Variants in ARL13B observed in about 807,000 individuals in gnomAD.
ARL13B encodes ADP-ribosylation factor-like protein 13B.
ARL13B carries 36 observed loss-of-function variants against 56.1 expected under a neutral mutation model. The observed-to-expected ratio is 0.64, with a 90% CI of 0.49 to 0.85. ARL13B has a LOEUF of 0.85. ARL13B is among the 40% of genes least tolerant of loss of function. The pLI, the probability that ARL13B is intolerant of heterozygous loss-of-function variation, is 0.00. For synonymous variants in ARL13B, 178 were observed against 171.1 expected (o/e 1.04, Z -0.32); for missense variants, 519 against 507.1 (o/e 1.02, Z -0.23).
At chr3:94,014,425 A>G in intron 3 of ARL13B, 1 of 1,581,590 alleles carries the variant, frequency 6.3e-7, no homozygotes, top group Non-Finnish European at 8.6e-7. Flanking sequence ...ACAACACAGT[A>G]CTCTGCAAGG....
intron 7 of ARL13B, among the ~76,000 whole-genome samples, chr3:94,044,788 G>A (rs536219019): frequency 2.1e-5 from 3 of 143,400 alleles, no homozygotes; most frequent in East Asian, 2.2e-4. Flanking sequence ...AGTGAGGAGC[G>A]CCTCTGCCCG....
intron 4 of ARL13B, among the ~76,000 whole-genome samples, chr3:94,036,221 A>G (rs746736529): frequency 2.0e-5 from 3 of 152,236 alleles, no homozygotes; most frequent in Non-Finnish European, 4.4e-5. Flanking sequence ...ATATTGTAGT[A>G]TAAGGAATTA....
intron 7 of ARL13B, chr3:94,047,827 A>G (rs1211061611): frequency 1.3e-5 from 2 of 152,202 alleles, no homozygotes; most frequent in Non-Finnish European, 2.9e-5. Flanking sequence ...CTTTAATTGT[A>G]CAAAGACCTA....
chr3:94,045,219 C>G (rs1013850900), intron 7 of ARL13B, among the ~76,000 whole-genome samples: 1 of 152,004 alleles, frequency 6.6e-6, no homozygotes, highest in African/African-American at 2.4e-5. Context: ...GCAAGATGTG[C>G]TTTGTTAAAC....
chr3:93,986,464 TTC>T (rs1366508212), intron 1 of ARL13B, among the ~76,000 whole-genome samples: 1 of 152,224 alleles, frequency 6.6e-6, no homozygotes. Flanking sequence ...TTTTTTAAAA[TTC>T]TCACATATGT....
rs780446984 is a variant in ARL13B at position 94,043,248 on chromosome 3, ATC to A, written c.1024+10_1024+11del. On this transcript the variant is annotated intron_variant, in intron 7 of 9. Coordinates refer to ENST00000394222, the MANE Select transcript of ARL13B (RefSeq NM_001174150.2). ...GGCCATCATTGGAATCAGGTAATAA[ATC>A]TAGTTATTTAAAGTAATTATCTTAT... is the stretch of plus-strand genomic sequence containing the variant. The A allele has an allele frequency of 4.9e-5, 78 of 1,605,446 alleles. No individual in the cohort carries two copies. Among genetic ancestry groups the A allele is most frequent in the Non-Finnish European group, 6.6e-5 (78 of 1,173,404 alleles).
Position 94,012,455 on chromosome 3 carries a change from A to T in ARL13B, c.380+8547A>T, listed in dbSNP as rs1293862371. ...TAATTCTACCTTTTAAATCTATCAG[A>T]AGTTAATCTAACTTTTTCCACCACC... On this transcript the variant is annotated intron_variant, in intron 3 of 9. Transcript: ENST00000394222. Among the ~76,000 whole-genome samples, 4 of 152,162 alleles carry T rather than the reference A, an allele frequency of 2.6e-5. No homozygotes were observed. In the East Asian group the frequency reaches 7.7e-4, roughly 29 times the overall value.
rs893493916 is a variant in ARL13B, at chr3:94,000,184, A to G, written c.131-3475A>G. Reference sequence around the variant, plus strand: ...ATTATGCATATCTCTTCCCAACTCTATGTTTAGGTACCTCACATTGTTAGT... The same window carrying G: ...ATTATGCATATCTCTTCCCAACTCTGTGTTTAGGTACCTCACATTGTTAGT... On this transcript the variant is annotated intron_variant, in intron 2 of 9. Transcript: ENST00000394222. Among the ~76,000 whole-genome samples, 5 of 152,132 alleles carry G rather than the reference A, an allele frequency of 3.3e-5. No homozygotes were observed. The East Asian group carries it at 7.7e-4, about 23-fold the overall frequency.
chr3:94,012,703 T>C (rs1005628841), intron 3 of ARL13B, among the ~76,000 whole-genome samples: 4 of 152,168 alleles, frequency 2.6e-5, no homozygotes, highest in African/African-American at 9.7e-5. Flanking sequence ...TTGCGAATAC[T>C]TTATTCCTCT....
intron 2 of ARL13B, among the ~76,000 whole-genome samples, chr3:94,003,242 A>G (rs1209564813): frequency 6.6e-6 from 1 of 152,140 alleles, no homozygotes; most frequent in African/African-American, 2.4e-5. Flanking sequence ...TGATTCTTCT[A>G]AACTCTTCTA....
Position 94,023,040 on chromosome 3 carries a change from C to T in ARL13B, c.381-12291C>T, listed in dbSNP as rs186118519. On this transcript the variant is annotated intron_variant, in intron 3 of 9. Transcript: ENST00000394222. Reference sequence around the variant, plus strand: ...TGTAACCTGATTGTGTTAGAATTTTCTTCCTCTTTTATATTCTCTATTTTT... The same window carrying T: ...TGTAACCTGATTGTGTTAGAATTTTTTTCCTCTTTTATATTCTCTATTTTT... 2.0e-4 allele frequency among the ~76,000 whole-genome samples: 30 copies of T among 151,778 alleles called. No homozygotes were observed. The East Asian group carries it at 5.6e-3, about 28-fold the overall frequency.
Position 93,980,275 on chromosome 3 carries a change from G to T in ARL13B, c.-149G>T. ...ACGCGGTTAGCAAGGCTTAGTGCTC[G>T]GGCCGGCCGCCTTCACTTCCCTCCC... On this transcript the variant is annotated 5_prime_UTR_variant, in exon 1 of 10. Transcript: ENST00000394222. 2.0e-6 allele frequency: 2 copies of T among 1,017,332 alleles called. No individual in the cohort carries two copies. The highest frequency in any genetic ancestry group is 3.0e-6 in the Non-Finnish European group (2 of 667,034). 63.0% of individuals were successfully genotyped at this position (1,017,332 alleles called of 1,614,324 possible).
intron 7 of ARL13B, among the ~76,000 whole-genome samples, chr3:94,044,341 C>G (rs549467763): frequency 7.2e-6 from 1 of 139,612 alleles, no homozygotes; most frequent in Non-Finnish European, 1.6e-5. Context: ...TCTGCCCGGC[C>G]GCCACCCCGT....
At chr3:94,017,674 A>G (rs996775825) in intron 3 of ARL13B, among the ~76,000 whole-genome samples, 9 of 152,214 alleles carry the variant, frequency 5.9e-5, no homozygotes, top group African/African-American at 2.2e-4. Flanking sequence ...TAAAAGATAA[A>G]CGGGATAATT....
intron 3 of ARL13B, among the ~76,000 whole-genome samples, chr3:94,016,241 G>T (rs987364607): frequency 2.6e-5 from 4 of 152,058 alleles, no homozygotes. Flanking sequence ...ATAAGAAGAG[G>T]CTGTTAGGGA....
intron 3 of ARL13B, among the ~76,000 whole-genome samples, chr3:94,033,072 C>T (rs919295724): frequency 6.6e-6 from 1 of 152,110 alleles, no homozygotes; most frequent in East Asian, 1.9e-4. Flanking sequence ...TTTTTTCCAG[C>T]AACGTGGATG....
chr3:94,040,361 A>G (rs528368357), intron 6 of ARL13B, among the ~76,000 whole-genome samples: 1 of 152,156 alleles, frequency 6.6e-6, no homozygotes, highest in African/African-American at 2.4e-5. Flanking sequence ...TCCATCTGCA[A>G]TATTTACTTA....
At chr3:93,981,107 AG>A (rs1710194193) in intron 1 of ARL13B, among the ~76,000 whole-genome samples, 1 of 152,222 alleles carries the variant, frequency 6.6e-6, no homozygotes, top group African/African-American at 2.4e-5. Flanking sequence ...TTTAATTGAA[AG>A]GGTCCACTTT....
At chr3:94,030,063 C>T (rs1041049845) in intron 3 of ARL13B, among the ~76,000 whole-genome samples, 12 of 151,962 alleles carry the variant, frequency 7.9e-5, no homozygotes, top group South Asian at 2.1e-4. Context: ...TTTCTCCATA[C>T]GCTTGTTTAT....
Sources: allele counts gnomAD v4.1 joint callset (sites outside exome capture counted in the v4.1 genomes callset), GRCh38; gene constraint gnomAD v4.1.1; transcripts MANE v1.5; gene names NCBI Gene and HGNC (gene_info 2026-07-23, HGNC 2026-07-21).